The following RAB3C variants were observed in gnomAD, a reference collection of about 807,000 sequenced individuals.
The protein encoded by RAB3C is ras-related protein Rab-3C.
In RAB3C, 17 loss-of-function variants were observed where a neutral mutation model predicts 26.4. The ratio of observed to expected loss-of-function variants is 0.64; its 90% CI spans 0.44 to 0.97. RAB3C has a LOEUF of 0.97. RAB3C is among the 50% of genes least tolerant of loss of function. The pLI is 0.00. For synonymous variants in RAB3C, 91 were observed against 95.9 expected (o/e 0.95, Z 0.30); for missense variants, 242 against 281.9 (o/e 0.86, Z 1.01).
intron 2 of RAB3C, among the ~76,000 whole-genome samples, chr5:58,708,792 GC>G (rs1749002358): frequency 6.6e-6 from 1 of 152,176 alleles, no homozygotes; most frequent in South Asian, 2.1e-4. Context: ...AGATTGTTTG[GC>G]AAATGATTTA....
chr5:58,691,574 ACT>A (rs34187778), intron 2 of RAB3C, among the ~76,000 whole-genome samples: 7,589 of 151,982 alleles, frequency 0.05, 635 homozygotes, highest in African/African-American at 0.17. Context: ...GGCATAATAG[ACT>A]CTCTGAGAGA....
At chr5:58,737,353 C>T (rs903614684) in intron 3 of RAB3C, among the ~76,000 whole-genome samples, 2 of 141,496 alleles carry the variant, frequency 1.4e-5, no homozygotes, top group African/African-American at 5.2e-5. Flanking sequence ...TATTCCCTTT[C>T]TCTGTTTTAT....
intron 1 of RAB3C, among the ~76,000 whole-genome samples, chr5:58,606,535 G>A (rs542125595): frequency 2.6e-4 from 39 of 152,282 alleles, no homozygotes; most frequent in African/African-American, 9.1e-4. Flanking sequence ...TCTGAAGAGA[G>A]CAGTGGTTCT....
chr5:58,814,422 G>A (rs1289959686), intron 3 of RAB3C, among the ~76,000 whole-genome samples: 1 of 152,102 alleles, frequency 6.6e-6, no homozygotes, highest in East Asian at 1.9e-4. Context: ...AGAAGGTTCT[G>A]GTACCTAAGT....
rs970000788 is a variant in RAB3C, at chr5:58,673,482, A to ACT, written c.253-52519_253-52518insTC. 1.7e-4 allele frequency among the ~76,000 whole-genome samples: 25 copies of ACT among 144,390 alleles called. No individual in the cohort carries two copies. The South Asian group carries it at 4.1e-3, about 24-fold the overall frequency. The allele number at this position is 144,390 out of a possible 152,430, so 94.7% of individuals were successfully genotyped here. On this transcript the variant is annotated intron_variant, in intron 2 of 4. Coordinates refer to ENST00000282878, the MANE Select transcript of RAB3C (RefSeq NM_138453.4). ...CACACACACACACACACACACACACACACACATACAATTTTCAATCCTCAT... is the reference window on the plus strand; with the variant it reads ...CACACACACACACACACACACACACACTCACACATACAATTTTCAATCCTCAT...
chr5:58,840,635 G>C (rs1743856482), intron 4 of RAB3C, among the ~76,000 whole-genome samples: 1 of 151,988 alleles, frequency 6.6e-6, no homozygotes, highest in Non-Finnish European at 1.5e-5. Context: ...GAGTTTTAGG[G>C]TATTGGTTTG....
In RAB3C at chr5:58,666,114, T is replaced by C. The variant is rs377507499; in HGVS notation, c.252+48244T>C. Among the ~76,000 whole-genome samples, 32 of 152,312 alleles carry C rather than the reference T, an allele frequency of 2.1e-4. No individual in the cohort carries two copies. In the East Asian group the frequency reaches 2.5e-3, roughly 12 times the overall value. On this transcript the variant is annotated intron_variant, in intron 2 of 4. Coordinates refer to ENST00000282878, the MANE Select transcript of RAB3C (RefSeq NM_138453.4). ...ATTTTAATTCCTTGCTTCTGGCAGG[T>C]TCCAACACACAGGGGTAAGAGGATG...
At position 58,853,617 on chromosome 5, in the gene RAB3C, G is replaced by A. The variant is rs1744163681; in HGVS notation, c.*2266G>A. On this transcript the variant is annotated 3_prime_UTR_variant, in exon 5 of 5. Coordinates refer to ENST00000282878, the MANE Select transcript of RAB3C (RefSeq NM_138453.4). ...CCTTAGATGGGAAGCCCTAAGCCAA[G>A]CTCCCACTTACACAGTGTCAAACAT... 6.6e-6 allele frequency: 1 copy of A among 152,154 alleles called. No homozygotes were observed. The highest frequency in any genetic ancestry group is 2.4e-5 in the African/African-American group (1 of 41,430). 9.4% of individuals were successfully genotyped at this position (152,154 alleles called of 1,614,324 possible). A position where few individuals can be genotyped will look rare whatever the true frequency, so the allele number is the denominator to read the frequency against.
At chr5:58,637,471 A>G (rs1363538874) in intron 2 of RAB3C, among the ~76,000 whole-genome samples, 1 of 152,106 alleles carries the variant, frequency 6.6e-6, no homozygotes, top group Non-Finnish European at 1.5e-5. Context: ...TTTTTCTGGG[A>G]TTTTCCTATA....
intron 2 of RAB3C, among the ~76,000 whole-genome samples, chr5:58,654,037 C>G (rs1006163731): frequency 1.3e-5 from 2 of 152,190 alleles, no homozygotes; most frequent in African/African-American, 2.4e-5. Context: ...GACTTTCTGA[C>G]TAATTTAATG....
At chr5:58,742,886 A>AT (rs1360468199) in intron 3 of RAB3C, among the ~76,000 whole-genome samples, 12 of 151,996 alleles carry the variant, frequency 7.9e-5, no homozygotes, top group Admixed American at 2.6e-4. Flanking sequence ...TCTTTTTTTA[A>AT]TTTTTTTTAA....
intron 2 of RAB3C, among the ~76,000 whole-genome samples, chr5:58,698,177 C>A (rs973224304): frequency 4.6e-5 from 7 of 152,146 alleles, no homozygotes; most frequent in Non-Finnish European, 1.0e-4. Flanking sequence ...TTCTCCTTCA[C>A]TTGTGAAGGT....
At chr5:58,682,995 G>T (rs1282244068) in intron 2 of RAB3C, among the ~76,000 whole-genome samples, 1 of 152,108 alleles carries the variant, frequency 6.6e-6, no homozygotes, top group East Asian at 1.9e-4. Flanking sequence ...ATGTTTCCTT[G>T]CCTGAAGTGT....
Position 58,705,656 on chromosome 5 carries a change from C to A in RAB3C, c.253-20346C>A, listed in dbSNP as rs555902759. On this transcript the variant is annotated intron_variant, in intron 2 of 4. Coordinates refer to ENST00000282878, the MANE Select transcript of RAB3C (RefSeq NM_138453.4). The stretch of plus-strand genomic sequence containing the variant: ...GTTTATGGAATAGAAGTAGATGATG[C>A]CCACATTTTTTTATTGAAAGGACTC... Among the ~76,000 whole-genome samples the A allele has an allele frequency of 1.7e-4, 26 of 152,122 alleles. No individual in the cohort carries two copies. The South Asian group carries it at 4.4e-3, about 25-fold the overall frequency.
At chr5:58,844,935 A>T (rs1264336126) in intron 4 of RAB3C, among the ~76,000 whole-genome samples, 2 of 152,234 alleles carry the variant, frequency 1.3e-5, no homozygotes, top group Non-Finnish European at 2.9e-5. Flanking sequence ...AACAAATGGC[A>T]TTTCACAATA....
At chr5:58,848,061 T>A (rs1744042181) in intron 4 of RAB3C, among the ~76,000 whole-genome samples, 1 of 152,190 alleles carries the variant, frequency 6.6e-6, no homozygotes, top group Non-Finnish European at 1.5e-5. Flanking sequence ...TTCGCCATGT[T>A]GGCCAGGCTG....
At chr5:58,843,287 T>C (rs1002415407) in intron 4 of RAB3C, among the ~76,000 whole-genome samples, 2 of 152,246 alleles carry the variant, frequency 1.3e-5, no homozygotes, top group African/African-American at 4.8e-5. Flanking sequence ...CTATTTCATA[T>C]GTATCCTCCA....
chr5:58,726,508 C>A (rs905584282), intron 3 of RAB3C, among the ~76,000 whole-genome samples: 2 of 151,878 alleles, frequency 1.3e-5, no homozygotes, highest in Non-Finnish European at 2.9e-5. Context: ...TTTAGTAAAT[C>A]AACTTTTATT....
At chr5:58,682,359 T>C (rs955168267) in intron 2 of RAB3C, among the ~76,000 whole-genome samples, 1 of 152,118 alleles carries the variant, frequency 6.6e-6, no homozygotes, top group Non-Finnish European at 1.5e-5. Flanking sequence ...TAAAATAGAA[T>C]GAAAAAGACA....
Sources: allele counts gnomAD v4.1 joint callset (sites outside exome capture counted in the v4.1 genomes callset), GRCh38; gene constraint gnomAD v4.1.1; transcripts MANE v1.5; gene names NCBI Gene and HGNC (gene_info 2026-07-23, HGNC 2026-07-21).